FARSB: variants seen among roughly 807,000 people sequenced by gnomAD.
The protein encoded by FARSB is phenylalanyl-tRNA synthetase subunit beta.
In FARSB, 40 loss-of-function variants were observed where a neutral mutation model predicts 69.6. That is an observed-to-expected ratio of 0.57 (90% CI 0.45 to 0.75). The LOEUF is 0.75. Ranked by LOEUF, FARSB falls within the 30% of genes least tolerant of loss-of-function variation. The pLI, the probability that FARSB is intolerant of heterozygous loss-of-function variation, is 0.00. For synonymous variants in FARSB, 235 were observed against 247.2 expected (o/e 0.95, Z 0.46); for missense variants, 632 against 722.9 (o/e 0.87, Z 1.44).
chr2:222,636,956 T>C (rs753396097), intron 5 of FARSB, among the ~76,000 whole-genome samples: 2 of 152,194 alleles, frequency 1.3e-5, no homozygotes, highest in African/African-American at 4.8e-5. Context: ...TACTGCCACA[T>C]AGATTTTAAA....
intron 16 of FARSB, among the ~76,000 whole-genome samples, chr2:222,586,037 G>A (rs554617456): frequency 2.0e-5 from 3 of 152,204 alleles, no homozygotes; most frequent in African/African-American, 7.2e-5. Flanking sequence ...TCCTCAAGAA[G>A]AGCAACTCCA....
At position 222,571,355 on chromosome 2, in the gene FARSB, G is replaced by A. The variant is rs1378319184; in HGVS notation, c.*516C>T. 6.6e-6 allele frequency: 1 copy of A among 152,102 alleles called. No individual in the cohort carries two copies. Among genetic ancestry groups the A allele is most frequent in the East Asian group, 1.9e-4 (1 of 5,196 alleles). The allele number at this position is 152,102 out of a possible 1,614,324, so 9.4% of individuals were successfully genotyped here. On this transcript the variant is annotated 3_prime_UTR_variant, in exon 17 of 17. Transcript: ENST00000281828. ...ACTGACCTCAGAAGCTATAATTGTT[G>A]GACCATAATTGATTCTTAAACGTTT...
chr2:222,590,568 C>T (rs926978322), intron 16 of FARSB, among the ~76,000 whole-genome samples: 76 of 101,804 alleles, frequency 7.5e-4, no homozygotes, highest in African/African-American at 2.6e-3. Context: ...AAAAAAAAGA[C>T]AATTGGGAAA....
chr2:222,590,738 T>C (rs1271116392), intron 16 of FARSB, among the ~76,000 whole-genome samples: 8 of 152,160 alleles, frequency 5.3e-5, no homozygotes, highest in African/African-American at 1.7e-4. Flanking sequence ...ATGTCTTAGA[T>C]TTGCTTCAAA....
At chr2:222,644,900 A>G (rs908601141) in intron 2 of FARSB, among the ~76,000 whole-genome samples, 2 of 151,956 alleles carry the variant, frequency 1.3e-5, no homozygotes, top group African/African-American at 4.8e-5. Context: ...TTCAAACCAC[A>G]GTTTGCTGCA....
intron 14 of FARSB, among the ~76,000 whole-genome samples, chr2:222,619,284 CA>C (rs1691079425): frequency 7.0e-6 from 1 of 142,254 alleles, no homozygotes; most frequent in South Asian, 2.2e-4. Context: ...CCAGCCTGAG[CA>C]ACAGGGCAAG....
chr2:222,584,136 G>A (rs1332155073), intron 16 of FARSB, among the ~76,000 whole-genome samples: 1 of 152,068 alleles, frequency 6.6e-6, no homozygotes, highest in East Asian at 1.9e-4. Flanking sequence ...TATAGAGAAT[G>A]ATGTCCTTGT....
intron 16 of FARSB, among the ~76,000 whole-genome samples, chr2:222,598,980 A>C (rs1690494594): frequency 6.6e-6 from 1 of 152,080 alleles, no homozygotes; most frequent in Non-Finnish European, 1.5e-5. Flanking sequence ...TCAATCTAAA[A>C]AAACCCATAG....
intron 4 of FARSB, 26 bp from the exon 5 acceptor site, chr2:222,639,721 T>A (rs563265187): frequency 9.0e-7 from 1 of 1,113,840 alleles, no homozygotes; most frequent in Non-Finnish European, 1.3e-6. Context: ...TCATTAGAGA[T>A]AGCAAACAGT....
At chr2:222,646,452 G>A (rs1384920282) in intron 2 of FARSB, among the ~76,000 whole-genome samples, 3 of 152,126 alleles carry the variant, frequency 2.0e-5, no homozygotes, top group African/African-American at 7.2e-5. Context: ...ACTTGAAATC[G>A]CTTGATAATT....
At chr2:222,624,833 C>G (rs1691227130) in intron 10 of FARSB, 58 bp from the exon 11 acceptor site, 1 of 1,042,712 alleles carries the variant, frequency 9.6e-7, no homozygotes, top group South Asian at 1.4e-5. Flanking sequence ...GCTTTAGAGT[C>G]TTTTCCATTA....
intron 1 of FARSB, among the ~76,000 whole-genome samples, chr2:222,652,483 A>T (rs1235811492): frequency 6.6e-6 from 1 of 152,176 alleles, no homozygotes; most frequent in Non-Finnish European, 1.5e-5. Flanking sequence ...CTGTTATTGA[A>T]AACAGGCGTC....
chr2:222,634,159 T>G (rs923897933), intron 6 of FARSB, among the ~76,000 whole-genome samples: 1 of 152,228 alleles, frequency 6.6e-6, no homozygotes, highest in Admixed American at 6.5e-5. Flanking sequence ...TCAGTGGTTC[T>G]CAATCCTAGC....
chr2:222,610,455 T>A (rs991832005), intron 15 of FARSB, among the ~76,000 whole-genome samples: 28 of 151,850 alleles, frequency 1.8e-4, no homozygotes, highest in Non-Finnish European at 3.4e-4. Flanking sequence ...CATAAATAAA[T>A]TCCCACATTC....
intron 15 of FARSB, among the ~76,000 whole-genome samples, chr2:222,602,695 C>T (rs1690594733): frequency 6.6e-6 from 1 of 151,212 alleles, no homozygotes; most frequent in Non-Finnish European, 1.5e-5. Flanking sequence ...CATATGTATA[C>T]GTGTGCCATG....
chr2:222,585,262 G>A (rs1690082255), intron 16 of FARSB, among the ~76,000 whole-genome samples: 1 of 152,202 alleles, frequency 6.6e-6, no homozygotes, highest in Non-Finnish European at 1.5e-5. Flanking sequence ...AACTCCAACA[G>A]ACCTGCAGCT....
intron 13 of FARSB, among the ~76,000 whole-genome samples, chr2:222,622,194 G>T (rs142926788): frequency 6.6e-6 from 1 of 152,340 alleles, no homozygotes; most frequent in Non-Finnish European, 1.5e-5. Context: ...AACATTCCCT[G>T]CAGAGCAGCC....
chr2:222,585,263 A>G (rs1690082350), intron 16 of FARSB, among the ~76,000 whole-genome samples: 1 of 152,194 alleles, frequency 6.6e-6, no homozygotes, highest in Non-Finnish European at 1.5e-5. Context: ...ACTCCAACAG[A>G]CCTGCAGCTG....
Position 222,613,809 on chromosome 2 carries a change from A to G in FARSB, c.1462+2T>C. 6.7e-7 allele frequency: 1 copy of G among 1,493,256 alleles called. No individual in the cohort carries two copies. The highest frequency in any genetic ancestry group is 9.3e-7 in the Non-Finnish European group (1 of 1,070,258). 92.5% of individuals were successfully genotyped at this position (1,493,256 alleles called of 1,614,324 possible). On this transcript the variant is annotated splice_donor_variant, in intron 15 of 16. Transcript: ENST00000281828. LOFTEE classifies it high-confidence loss of function. ...ATCAAATCAAAGGTGACTTATTCTT[A>G]CCTGTATTAGAATCTTTTATTACAA...
Sources: gnomAD v4.1 joint callset for allele counts (sites outside exome capture counted in the v4.1 genomes callset) on GRCh38, gnomAD v4.1.1 for gene constraint, MANE v1.5 for transcripts, NCBI Gene and HGNC (gene_info 2026-07-23, HGNC 2026-07-21) for gene names.